POLR3B: variants seen among roughly 807,000 people sequenced by gnomAD.
POLR3B encodes RNA polymerase III subunit B.
A neutral mutation model predicts 147.4 loss-of-function variants in POLR3B; 96 were observed. The ratio of observed to expected loss-of-function variants is 0.65; its 90% confidence interval spans 0.55 to 0.77. The LOEUF is 0.77. Ranked by LOEUF, POLR3B falls within the 30% of genes least tolerant of loss-of-function variation. POLR3B has a pLI of 0.00. For synonymous variants in POLR3B, 461 were observed against 485.9 expected, an observed-to-expected ratio of 0.95 and a Z score of 0.67; for missense variants, 1,036 against 1,413.5, an observed-to-expected ratio of 0.73 and a Z score of 4.28.
intron 12 of POLR3B, among the ~76,000 whole-genome samples, chr12:106,414,648 T>C (rs2037277232): frequency 6.6e-6 from 1 of 152,144 alleles, no homozygotes; most frequent in African/African-American, 2.4e-5. Context: ...CACCTCATTT[T>C]TAATATGTTT....
At chr12:106,501,134 T>C (rs944825749) in intron 25 of POLR3B, among the ~76,000 whole-genome samples, 189 bp from the exon 26 acceptor site, 2 of 152,218 alleles carry the variant, frequency 1.3e-5, no homozygotes, top group Non-Finnish European at 2.9e-5. Context: ...GTAAAGCCAT[T>C]TATCTTTAAA....
chr12:106,454,614 A>G lies in POLR3B; in HGVS notation c.2196A>G (p.Lys732=), dbSNP rs2037841535. The G allele has an allele frequency of 6.2e-7, 1 of 1,611,448 alleles. No homozygotes were observed. Among genetic ancestry groups the G allele is most frequent in the African/African-American group, 1.3e-5 (1 of 74,982 alleles). The part of the protein sequence containing the change: ...TKTIELIEFE[K]LPAGQNATVA... The stretch of plus-strand genomic sequence containing the variant: ...CCATTGAATTGATAGAATTTGAGAA[A>G]CTGCCAGCTGGACAGAATGCAACAG... The change falls in exon 20 of 28, where the codon AAA becomes AAG. Residue 732 remains lysine (K), a synonymous_variant. Transcript: ENST00000228347.
Position 106,446,417 on chromosome 12 carries a change from C to CAAAA in POLR3B, c.2083+1842_2083+1845dup, listed in dbSNP as rs10654233. 117 of 158,442 alleles carry CAAAA rather than the reference C, an allele frequency of 7.4e-4. 1 individual carries two copies. The highest frequency in any genetic ancestry group is 5.5e-3 in the Middle Eastern group (2 of 362). The allele number at this position is 158,442 out of a possible 1,614,324, so 9.8% of individuals were successfully genotyped here. A position where few individuals can be genotyped will look rare whatever the true frequency, so the allele number is the denominator to read the frequency against. ...TTTATTTTTATAACTCCTCTCCCCA[C>CAAAA]AAAAAAAAAAAAAAAAAAGAAAAGA... is the stretch of plus-strand genomic sequence containing the variant. On this transcript the variant is annotated intron_variant, in intron 19 of 27. Transcript: ENST00000228347.
intron 15 of POLR3B, among the ~76,000 whole-genome samples, chr12:106,432,819 A>G (rs2037527684): frequency 6.6e-6 from 1 of 152,206 alleles, no homozygotes; most frequent in African/African-American, 2.4e-5. Flanking sequence ...TGCAAAAATT[A>G]TCAGATCAAC....
intron 20 of POLR3B, among the ~76,000 whole-genome samples, chr12:106,456,471 A>G (rs571744304): frequency 1.3e-5 from 2 of 152,152 alleles, no homozygotes; most frequent in Admixed American, 6.5e-5. Context: ...GAGGAGAACT[A>G]TTTTTCCCAT....
At chr12:106,480,184 A>G (rs967128677) in intron 23 of POLR3B, among the ~76,000 whole-genome samples, 10 of 151,888 alleles carry the variant, frequency 6.6e-5, no homozygotes, top group Admixed American at 3.9e-4. Flanking sequence ...GGCTGTTTCT[A>G]TCTCTCGATA....
rs189501568 is a variant in POLR3B at position 106,482,498 on chromosome 12, G to A, written c.2714-13557G>A. Among the ~76,000 whole-genome samples, 723 of 151,812 alleles carry A rather than the reference G, an allele frequency of 4.8e-3. 5 individuals are homozygous for A. The highest frequency in any genetic ancestry group is 0.017 in the African/African-American group (685 of 41,200). On this transcript the variant is annotated intron_variant, in intron 23 of 27. Coordinates refer to ENST00000228347, the MANE Select transcript of POLR3B (RefSeq NM_018082.6). ...AGGCACATCTTACACGGCCAGAGCA[G>A]GAGGAAGAGAGAGAAGGGGGAGGTG...
chr12:106,389,053 A>C (rs894040079), intron 9 of POLR3B, among the ~76,000 whole-genome samples: 9 of 152,214 alleles, frequency 5.9e-5, no homozygotes, highest in African/African-American at 2.2e-4. Flanking sequence ...AGAAAAAATG[A>C]TTTCAGATAT....
chr12:106,393,999 C>A (rs959007382), intron 10 of POLR3B, among the ~76,000 whole-genome samples: 1 of 152,140 alleles, frequency 6.6e-6, no homozygotes, highest in Non-Finnish European at 1.5e-5. Context: ...TCCACGTGTA[C>A]ATTGTCTATT....
intron 12 of POLR3B, among the ~76,000 whole-genome samples, chr12:106,420,262 A>T (rs1324880469): frequency 5.9e-5 from 9 of 152,128 alleles, no homozygotes; most frequent in Non-Finnish European, 5.9e-5. Context: ...TGCTTCAGGG[A>T]TCAGCCAGAG....
At chr12:106,419,794 C>CTTTTTTTT (rs56756383) in intron 12 of POLR3B, among the ~76,000 whole-genome samples, 10 of 88,942 alleles carry the variant, frequency 1.1e-4, no homozygotes, top group Non-Finnish European at 1.4e-4. Context: ...TTTAGTTTTG[C>CTTTTTTTT]TTTTTTTTTT....
At chr12:106,494,072 A>C (rs553098263) in intron 23 of POLR3B, among the ~76,000 whole-genome samples, 2 of 152,318 alleles carry the variant, frequency 1.3e-5, no homozygotes, top group East Asian at 3.9e-4. Flanking sequence ...ACTTCCCCAG[A>C]AGGAAGCTCT....
chr12:106,427,114 A>T, intron 12 of POLR3B, 83 bp from the exon 13 acceptor site: 2 of 949,386 alleles, frequency 2.1e-6, no homozygotes, highest in Non-Finnish European at 3.2e-6. Flanking sequence ...TTATTTTTTA[A>T]AAATCTTAAG....
chr12:106,370,631 G>GTTTT (rs1208633414), intron 6 of POLR3B, among the ~76,000 whole-genome samples: 2 of 126,572 alleles, frequency 1.6e-5, no homozygotes, highest in African/African-American at 2.9e-5. Context: ...TTGTTTTATT[G>GTTTT]TTTTTTTTTT....
chr12:106,471,876 T>A (rs1007828932), intron 23 of POLR3B, among the ~76,000 whole-genome samples: 18 of 152,002 alleles, frequency 1.2e-4, no homozygotes, highest in African/African-American at 2.7e-4. Flanking sequence ...TTTTTTTTTT[T>A]TATACTTTAA....
rs149678346 is a variant in POLR3B at position 106,390,265 on chromosome 12, T to TCC, written c.724-2759_724-2758dup. On this transcript the variant is annotated intron_variant, in intron 9 of 27. Transcript: ENST00000228347. ...CAAAAAAACAAGCAGAAAAACTCTC[T>TCC]CCCCCCCCAGTTTTTTTTTAAGTTT... 7.4e-4 allele frequency among the ~76,000 whole-genome samples: 98 copies of TCC among 132,792 alleles called. 1 individual carries two copies. The highest frequency in any genetic ancestry group is 3.9e-3 in the Middle Eastern group (1 of 256). 87.1% of individuals were successfully genotyped at this position (132,792 alleles called of 152,430 possible). A position where few individuals can be genotyped will look rare whatever the true frequency, so the allele number is the denominator to read the frequency against.
intron 13 of POLR3B, among the ~76,000 whole-genome samples, chr12:106,428,776 G>A (rs1296250340): frequency 6.6e-6 from 1 of 152,132 alleles, no homozygotes; most frequent in Admixed American, 6.5e-5. Context: ...TGGTCGCTGT[G>A]TTTCTTTGCC....
chr12:106,509,499 C>G lies in POLR3B; in HGVS notation c.3352C>G (p.Gln1118Glu). The G allele has an allele frequency of 6.2e-7, 1 of 1,612,860 alleles. No homozygotes were observed. The highest frequency in any genetic ancestry group is 2.2e-5 in the East Asian group (1 of 44,866). Residue 1118 changes from glutamine (Q) to glutamate (E), a missense_variant, in exon 28 of 28, where the codon CAG becomes GAG. Physicochemically the swap from Gln to Glu is conservative, Grantham distance 29 (BLOSUM62 2). This residue lies in a region of POLR3B where 69 missense variants were observed against 89.8 expected (regional missense o/e 0.77). Coordinates refer to ENST00000228347, the MANE Select transcript of POLR3B (RefSeq NM_018082.6). Reference sequence around the variant, plus strand: ...CTGCAAGCTGCTCTTCCAGGAACTACAGTCTATGAACATCATCCCCAGGTT... The same window carrying G: ...CTGCAAGCTGCTCTTCCAGGAACTAGAGTCTATGAACATCATCCCCAGGTT... ...YACKLLFQELQSMNIIPRLKL... is the reference protein window; with the variant it reads ...YACKLLFQELESMNIIPRLKL...
chr12:106,399,924 A>G lies in POLR3B; in HGVS notation c.847-5933A>G, dbSNP rs12297781. On this transcript the variant is annotated intron_variant, in intron 10 of 27. Coordinates refer to ENST00000228347, the MANE Select transcript of POLR3B (RefSeq NM_018082.6). ...GTCAAGGCTAGGAAGAAACTGCATC[A>G]ACTAACAAGCAAAATAGCCAGCTGA... 5.4e-3 allele frequency among the ~76,000 whole-genome samples: 827 copies of G among 152,340 alleles called. 8 individuals carry two copies. Among genetic ancestry groups the G allele is most frequent in the African/African-American group, 0.019 (799 of 41,572 alleles).
Sources: gnomAD v4.1 joint callset for allele counts (sites outside exome capture counted in the v4.1 genomes callset) on GRCh38, gnomAD v4.1.1 for gene constraint, gnomAD v4.1.1 regional missense constraint, MANE v1.5 for transcripts, NCBI Gene and HGNC (gene_info 2026-07-23, HGNC 2026-07-21) for gene names.